The following GNG13 variants were observed in gnomAD, a reference collection of about 807,000 sequenced individuals.
The protein encoded by GNG13 is G protein subunit gamma 13, also known as guanine nucleotide-binding protein G(I)/G(S)/G(O) subunit gamma-13.
GNG13 carries 12 observed loss-of-function variants against 8.2 expected under a neutral mutation model. The ratio of observed to expected loss-of-function variants is 1.47; its 90% CI spans 0.94 to 2.38. The LOEUF (loss-of-function observed/expected upper bound fraction) is 2.38, where lower values mean the gene tolerates loss of function less well. Among genes scored for constraint, GNG13 ranks in the 30% most tolerant of loss-of-function variants. GNG13 has a pLI of 0.00. For synonymous variants in GNG13, 45 were observed against 33.0 expected (o/e 1.37, Z -1.25); for missense variants, 100 against 85.2 (o/e 1.17, Z -0.68).
intron 1 of GNG13, among the ~76,000 whole-genome samples, chr16:799,872 G>A (rs148123618): frequency 0.013 from 1,903 of 147,702 alleles, 20 homozygotes; most frequent in South Asian, 0.022. Context: ...CCCTCACTCC[G>A]TCCCAACTCT....
intron 1 of GNG13, 65 bp from the exon 2 acceptor site, chr16:799,176 T>TCCCCGCAGGCCTGAGCTGAA (rs777043086): frequency 5.5e-6 from 4 of 724,326 alleles, no homozygotes; most frequent in South Asian, 1.5e-5. Context: ...CCCCCGCTGC[T>TCCCCGCAGGCCTGAGCTGAA]CCCCGCAGGC....
Position 798,293 on chromosome 16 carries a change from GGAGTGGGGCTCACAGGTTGGTGT to G in GNG13, c.*403_*425del, listed in dbSNP as rs2042413632. 1 of 530,452 alleles carries G rather than the reference GGAGTGGGGCTCACAGGTTGGTGT, an allele frequency of 1.9e-6. No homozygotes were observed. The highest frequency in any genetic ancestry group is 3.4e-6 in the Non-Finnish European group (1 of 292,844). 32.9% of individuals were successfully genotyped at this position (530,452 alleles called of 1,614,324 possible). ...TTACAAGATGTTGTGAGTGGGGCCG[GGAGTGGGGCTCACAGGTTGGTGT>G]GAGTGGGGCTGGGAGTGGGGCTCAC... On this transcript the variant is annotated 3_prime_UTR_variant, in exon 3 of 3. Coordinates refer to ENST00000248150, the MANE Select transcript of GNG13 (RefSeq NM_016541.3).
Position 798,814 on chromosome 16 carries a change from A to ACCCATGGGTTGTT in GNG13, c.108_109insAACAACCCATGGG (p.Trp37AsnfsTer48). The ACCCATGGGTTGTT allele has an allele frequency of 6.2e-7, 1 of 1,610,266 alleles. No individual in the cohort carries two copies. ...TCCTTGGGGATCCCGTCCTCGATCC[A>ACCCATGGGTTGTT]CTTCAGCAGCCTGCGGGTGGGCGGG... On this transcript the variant is annotated frameshift_variant, in exon 3 of 3. Coordinates refer to ENST00000248150, the MANE Select transcript of GNG13 (RefSeq NM_016541.3). LOFTEE classifies it high-confidence loss of function.
chr16:800,298 C>T (rs919492956), intron 1 of GNG13, among the ~76,000 whole-genome samples: 4 of 152,216 alleles, frequency 2.6e-5, no homozygotes, highest in African/African-American at 7.2e-5. Flanking sequence ...GGACTAGCTG[C>T]GTGCGGGTCC....
At position 798,620 on chromosome 16, in the gene GNG13, A is replaced by C; in HGVS notation, c.*99T>G. On this transcript the variant is annotated 3_prime_UTR_variant, in exon 3 of 3. Coordinates refer to ENST00000248150, the MANE Select transcript of GNG13 (RefSeq NM_016541.3). ...GAGTGGGGCTGGGAGTGGGACTCAC[A>C]GGATGGAGTGAGTGGGGCTGGGCAC... 1 of 812,738 alleles carries C rather than the reference A, an allele frequency of 1.2e-6. No individual in the cohort carries two copies. Among genetic ancestry groups the C allele is most frequent in the Non-Finnish European group, 2.2e-6 (1 of 464,610 alleles). The allele number at this position is 812,738 out of a possible 1,614,324, so 50.3% of individuals were successfully genotyped here.
In GNG13 at chr16:798,806, C is replaced by T. The variant is rs112914270; in HGVS notation, c.117G>A (p.Glu39=). 1 of 1,611,910 alleles carries T rather than the reference C, an allele frequency of 6.2e-7. No individual in the cohort carries two copies. The highest frequency in any genetic ancestry group is 1.3e-5 in the African/African-American group (1 of 74,974). Residue 39 remains glutamate, a synonymous_variant, in exon 3 of 3, where the codon GAG becomes GAA. Transcript: ENST00000248150. ...KTIPELLKWI[E]DGIPKDPFLN... is the part of the protein sequence containing the mutation. ...GGAAGGGGTCCTTGGGGATCCCGTC[C>T]TCGATCCACTTCAGCAGCCTGCGGG...
chr16:799,148 A>G (rs112902518), intron 1 of GNG13, 37 bp from the exon 2 acceptor site: 15,054 of 870,026 alleles, frequency 0.017, 847 homozygotes, highest in African/African-American at 0.16. Flanking sequence ...GGCCGAGGCC[A>G]CCAGCCTGTA....
intron 1 of GNG13, among the ~76,000 whole-genome samples, 192 bp from the exon 2 acceptor site, chr16:799,303 G>A (rs1359832500): frequency 3.3e-5 from 5 of 152,160 alleles, no homozygotes; most frequent in Non-Finnish European, 5.9e-5. Flanking sequence ...CCCAGCTCCC[G>A]CCTCCTGCAC....
rs868446205 is a variant in GNG13, at chr16:798,362, G to A, written c.*357C>T. Reference sequence around the variant, plus strand: ...CTCACAGGATGGAGTGAGTGGGGCCGGGAGTGGGGCTCACAGGATGGTGGG... The same window carrying A: ...CTCACAGGATGGAGTGAGTGGGGCCAGGAGTGGGGCTCACAGGATGGTGGG... On this transcript the variant is annotated 3_prime_UTR_variant, in exon 3 of 3. Coordinates refer to ENST00000248150, the MANE Select transcript of GNG13 (RefSeq NM_016541.3). The A allele has an allele frequency of 6.3e-4, 303 of 482,544 alleles. 3 individuals are homozygous for A. Among genetic ancestry groups the A allele is most frequent in the South Asian group, 2.2e-3 (113 of 52,312 alleles). 29.9% of individuals were successfully genotyped at this position (482,544 alleles called of 1,614,324 possible).
Position 798,796 on chromosome 16 carries a change from G to A in GNG13, c.127C>T (p.Pro43Ser). Residue 43 changes from proline to serine, a missense_variant, in exon 3 of 3, where the codon CCC (proline) becomes TCC (serine). Transcript: ENST00000248150. ...ELLKWIEDGIPKDPFLNPDLM... is the reference protein window; with the variant it reads ...ELLKWIEDGISKDPFLNPDLM... ...TCGGGGTTCAGGAAGGGGTCCTTGG[G>A]GATCCCGTCCTCGATCCACTTCAGC... is the stretch of plus-strand genomic sequence containing the variant. The A allele has an allele frequency of 6.2e-7, 1 of 1,612,924 alleles. No individual in the cohort carries two copies. The highest frequency in any genetic ancestry group is 1.3e-5 in the African/African-American group (1 of 75,004).
intron 1 of GNG13, among the ~76,000 whole-genome samples, chr16:799,680 G>T (rs1027575370): frequency 5.3e-5 from 8 of 152,184 alleles, no homozygotes; most frequent in African/African-American, 1.9e-4. Context: ...GATATGGGCT[G>T]TGGGTGGCCC....
Position 798,823 on chromosome 16 carries a change from GCCT to G in GNG13, c.99-2_99del. The G allele has an allele frequency of 6.2e-7, 1 of 1,604,164 alleles. No homozygotes were observed. Reference sequence around the variant, plus strand: ...ATCCCGTCCTCGATCCACTTCAGCAGCCTGCGGGTGGGCGGGTGGCAGGTGAGT... The same window carrying G: ...ATCCCGTCCTCGATCCACTTCAGCAGGCGGGTGGGCGGGTGGCAGGTGAGT... On this transcript the variant is annotated splice_acceptor_variant and coding_sequence_variant, in exon 3 of 3. Transcript: ENST00000248150. LOFTEE classifies it high-confidence loss of function.
chr16:799,888 C>A (rs1034870807), intron 1 of GNG13, among the ~76,000 whole-genome samples: 1 of 151,858 alleles, frequency 6.6e-6, no homozygotes, highest in Non-Finnish European at 1.5e-5. Flanking sequence ...ACTCTGGCCC[C>A]CGTCCCCAAG....
intron 1 of GNG13, among the ~76,000 whole-genome samples, chr16:799,605 C>G (rs575728955): frequency 6.6e-6 from 1 of 152,340 alleles, no homozygotes; most frequent in African/African-American, 2.4e-5. Flanking sequence ...CTGCAGTTTG[C>G]TTCTCTGGCA....
chr16:799,250 G>C (rs527395901), intron 1 of GNG13, 139 bp from the exon 2 acceptor site: 200 of 606,844 alleles, frequency 3.3e-4, no homozygotes, highest in African/African-American at 3.2e-3. Context: ...CAGTCCCCTA[G>C]GCGTTGCTAG....
At chr16:799,345 C>G (rs1044485196) in intron 1 of GNG13, among the ~76,000 whole-genome samples, 1 of 152,208 alleles carries the variant, frequency 6.6e-6, no homozygotes, top group Non-Finnish European at 1.5e-5. Flanking sequence ...AACTTTACAT[C>G]CTCAGCTACT....
intron 1 of GNG13, among the ~76,000 whole-genome samples, chr16:799,666 C>T (rs60880523): frequency 6.6e-6 from 1 of 152,174 alleles, no homozygotes; most frequent in Non-Finnish European, 1.5e-5. Context: ...CTACCCGAGT[C>T]TGGGATATGG....
At position 798,070 on chromosome 16, in the gene GNG13, T is replaced by C. The variant is rs921768259; in HGVS notation, c.*649A>G. 4.8e-6 allele frequency: 7 copies of C among 1,467,306 alleles called. No individual in the cohort carries two copies. The highest frequency in any genetic ancestry group is 6.4e-6 in the Non-Finnish European group (7 of 1,090,850). The allele number at this position is 1,467,306 out of a possible 1,614,324, so 90.9% of individuals were successfully genotyped here. A position where few individuals can be genotyped will look rare whatever the true frequency, so the allele number is the denominator to read the frequency against. ...TTTATAAAGTCACACCTTTACAGAC[T>C]GTAATCACGTGCGAGTGGAGTGGGG... is the stretch of plus-strand genomic sequence containing the variant. On this transcript the variant is annotated 3_prime_UTR_variant, in exon 3 of 3. Coordinates refer to ENST00000248150, the MANE Select transcript of GNG13 (RefSeq NM_016541.3).
rs1801231858 is a variant in GNG13, at chr16:798,996, A to ACGCCAT, written c.76_81dup (p.Met26_Ala27dup). 1 of 1,603,514 alleles carries ACGCCAT rather than the reference A, an allele frequency of 6.2e-7. No individual in the cohort carries two copies. On this transcript the variant is annotated inframe_insertion, in exon 2 of 3. Transcript: ENST00000248150. ...GGCACTCACTCGGGGATGGTCTTGG[A>ACGCCAT]CGCCATCTCCCGCTGGAAGGCCAGC... is the stretch of plus-strand genomic sequence containing the variant.
Sources: allele counts gnomAD v4.1 joint callset (sites outside exome capture counted in the v4.1 genomes callset), GRCh38; gene constraint gnomAD v4.1.1; transcripts MANE v1.5; gene names NCBI Gene and HGNC (gene_info 2026-07-23, HGNC 2026-07-21).